The following CENPW variants were observed in gnomAD, a reference collection of about 807,000 sequenced individuals.
The protein encoded by CENPW is centromere protein W.
In CENPW, 3 loss-of-function variants were observed where a neutral mutation model predicts 11.1. That is an observed-to-expected ratio of 0.27 (90% CI 0.12 to 0.70). The LOEUF (loss-of-function observed/expected upper bound fraction) is 0.70, where lower values mean the gene tolerates loss of function less well. Ranked by LOEUF, CENPW falls within the 30% of genes least tolerant of loss-of-function variation. CENPW has a pLI of 0.77. For missense variants in CENPW, 100 were observed against 105.6 expected (o/e 0.95, Z 0.23); for synonymous variants, 38 against 42.0 (o/e 0.91, Z 0.37).
At chr6:126,382,191 C>T in the CENPW span, among the ~76,000 whole-genome samples, 202 of 152,008 alleles carry the variant, frequency 1.3e-3, no homozygotes, top group Non-Finnish European at 2.2e-3. Context: ...GAGCCGAGAT[C>T]GCACCATTGC....
At chr6:126,476,062 C>A in the CENPW span, among the ~76,000 whole-genome samples, 2 of 150,852 alleles carry the variant, frequency 1.3e-5, no homozygotes, top group Non-Finnish European at 3.0e-5. Flanking sequence ...ACCAGACTGC[C>A]AGTACATTTT....
chr6:126,438,079 C>G, the CENPW span, among the ~76,000 whole-genome samples: 1 of 150,904 alleles, frequency 6.6e-6, no homozygotes, highest in Admixed American at 6.6e-5. Context: ...GTATTATTCT[C>G]TCATTATTAG....
At chr6:126,418,717 C>A in the CENPW span, among the ~76,000 whole-genome samples, 1 of 152,150 alleles carries the variant, frequency 6.6e-6, no homozygotes, top group East Asian at 1.9e-4. Context: ...ATAATCATAT[C>A]AACTCTGGGG....
chr6:126,358,938 T>C, the CENPW span, among the ~76,000 whole-genome samples: 9 of 152,104 alleles, frequency 5.9e-5, no homozygotes, highest in African/African-American at 2.2e-4. Flanking sequence ...TCTCTTATTT[T>C]AGTTATTTCT....
the CENPW span, among the ~76,000 whole-genome samples, chr6:126,366,268 A>C: frequency 1.3e-5 from 2 of 152,114 alleles, no homozygotes; most frequent in Non-Finnish European, 1.5e-5. Context: ...AAATTACCTT[A>C]CTCATAAATA....
At chr6:126,416,352 G>C in the CENPW span, among the ~76,000 whole-genome samples, 13 of 152,198 alleles carry the variant, frequency 8.5e-5, no homozygotes, top group Non-Finnish European at 1.9e-4. Flanking sequence ...GAGCACAAAA[G>C]TTTGGAAAAT....
the CENPW span, among the ~76,000 whole-genome samples, chr6:126,378,939 CCTT>C: frequency 9.7e-4 from 147 of 152,226 alleles, no homozygotes; most frequent in African/African-American, 3.3e-3. Context: ...AAGAATTTAA[CCTT>C]CTATTGCATA....
the CENPW span, among the ~76,000 whole-genome samples, chr6:126,429,417 G>A: frequency 6.6e-6 from 1 of 152,038 alleles, no homozygotes; most frequent in Non-Finnish European, 1.5e-5. Context: ...CCCATCCCTT[G>A]GTGCTGTCCC....
At chr6:126,391,202 A>G in the CENPW span, among the ~76,000 whole-genome samples, 1 of 151,842 alleles carries the variant, frequency 6.6e-6, no homozygotes, top group Non-Finnish European at 1.5e-5. Flanking sequence ...GTAGTTTTCA[A>G]ATGCATTTCT....
the CENPW span, among the ~76,000 whole-genome samples, chr6:126,370,153 T>A: frequency 6.6e-6 from 1 of 152,360 alleles, no homozygotes; most frequent in East Asian, 1.9e-4. Flanking sequence ...ACCAGTACCA[T>A]GATATGTTGG....
At chr6:126,341,231 T>G (rs1015224414) in intron 1 of CENPW, among the ~76,000 whole-genome samples, 1 of 152,214 alleles carries the variant, frequency 6.6e-6, no homozygotes, top group Non-Finnish European at 1.5e-5. Flanking sequence ...TTCTCTAGGT[T>G]TAAACCACTG....
the CENPW span, among the ~76,000 whole-genome samples, chr6:126,411,915 C>T: frequency 2.9e-5 from 4 of 139,134 alleles, no homozygotes; most frequent in Non-Finnish European, 6.3e-5. Flanking sequence ...TTCCTCCCTC[C>T]CCCTCCCTCC....
the CENPW span, among the ~76,000 whole-genome samples, chr6:126,415,995 T>C: frequency 1.3e-5 from 2 of 151,936 alleles, no homozygotes; most frequent in African/African-American, 4.8e-5. Flanking sequence ...GTTGGAACAG[T>C]TTGGAGGGCT....
the CENPW span, among the ~76,000 whole-genome samples, chr6:126,401,154 A>G: frequency 2.6e-5 from 4 of 152,072 alleles, no homozygotes; most frequent in Admixed American, 1.3e-4. Context: ...AAAGTTATCT[A>G]TGCTTGAATA....
the CENPW span, among the ~76,000 whole-genome samples, chr6:126,396,951 C>T: frequency 6.6e-6 from 1 of 151,808 alleles, no homozygotes; most frequent in South Asian, 2.1e-4. Context: ...TCTTTTTACT[C>T]TTTCCTGTTC....
the CENPW span, among the ~76,000 whole-genome samples, chr6:126,442,371 C>T: frequency 1.3e-5 from 2 of 150,876 alleles, no homozygotes; most frequent in African/African-American, 4.9e-5. Context: ...ATAGATGGGA[C>T]ATAATTACAC....
the CENPW span, among the ~76,000 whole-genome samples, chr6:126,449,967 C>T: frequency 2.7e-5 from 4 of 150,918 alleles, no homozygotes; most frequent in Non-Finnish European, 5.9e-5. Context: ...TTCCCAAGCA[C>T]ATTGTATTTG....
the CENPW span, among the ~76,000 whole-genome samples, chr6:126,377,149 C>T: frequency 5.9e-5 from 9 of 152,062 alleles, no homozygotes; most frequent in East Asian, 1.2e-3. Context: ...AGTCCTTTGA[C>T]CCAGATCTCT....
the CENPW span, among the ~76,000 whole-genome samples, chr6:126,441,450 C>A: frequency 2.8e-4 from 43 of 150,974 alleles, no homozygotes; most frequent in South Asian, 8.8e-3. Flanking sequence ...TAGTGGATTA[C>A]TTAAAAAAAA....
Sources: gnomAD v4.1 joint callset for allele counts (sites outside exome capture counted in the v4.1 genomes callset) on GRCh38, gnomAD v4.1.1 for gene constraint, MANE v1.5 for transcripts, NCBI Gene and HGNC (gene_info 2026-07-23, HGNC 2026-07-21) for gene names.